DUT: variants seen among roughly 807,000 people sequenced by gnomAD.
The protein encoded by DUT is deoxyuridine triphosphatase.
A neutral mutation model predicts 28.8 loss-of-function variants in DUT; 21 were observed. The ratio of observed to expected loss-of-function variants is 0.73; its 90% confidence interval spans 0.52 to 1.05. The LOEUF is 1.05. Among genes scored for constraint, DUT ranks in the 50% least tolerant of loss-of-function variants. The probability of loss-of-function intolerance (pLI) is 0.00; values close to 1 mark genes in which losing one functional copy is unlikely to be tolerated. For synonymous variants in DUT, 147 were observed against 143.7 expected (o/e 1.02, Z -0.17); for missense variants, 344 against 351.8 (o/e 0.98, Z 0.18).
chr15:48,338,615 C>T lies in DUT; in HGVS notation c.556+2525C>T, dbSNP rs538360518. ...AGCCATTTTGTACTCATCATATTGG[C>T]CAGAATGTAAGAGATTGTTGCCATC... On this transcript the variant is annotated intron_variant, in intron 4 of 6. Transcript: ENST00000331200. Among the ~76,000 whole-genome samples, 8 of 152,222 alleles carry T rather than the reference C, an allele frequency of 5.3e-5. No homozygotes were observed. In the South Asian group the frequency reaches 1.7e-3, roughly 32 times the overall value.
At chr15:48,341,046 A>G (rs2306673) in intron 4 of DUT, 5,845 of 342,202 alleles carry the variant, frequency 0.017, 160 homozygotes, top group Admixed American at 0.073. Flanking sequence ...AAAATAGGAA[A>G]TGGTCGCCAT....
intron 2 of DUT, among the ~76,000 whole-genome samples, 154 bp from the exon 3 acceptor site, chr15:48,334,263 T>A (rs1224356849): frequency 6.6e-6 from 1 of 152,236 alleles, no homozygotes; most frequent in Non-Finnish European, 1.5e-5. Flanking sequence ...TAAGATGAAT[T>A]GGTAATTCAT....
Position 48,341,327 on chromosome 15 carries a change from G to A in DUT, c.595G>A (p.Val199Ile), listed in dbSNP as rs2042531286. Reference sequence around the variant, plus strand: ...TGAAGATTATAGAGGAAATGTTGGTGTTGTACTGTTTAATTTTGGCAAAGA... The same window carrying A: ...TGAAGATTATAGAGGAAATGTTGGTATTGTACTGTTTAATTTTGGCAAAGA... ...IDEDYRGNVG[V>I]VLFNFGKEKF... The change falls in exon 5 of 7, where the codon GTT becomes ATT. Residue 199 changes from valine to isoleucine, a missense_variant. Coordinates refer to ENST00000331200, the MANE Select transcript of DUT (RefSeq NM_001025248.2). 3 of 1,610,768 alleles carry A rather than the reference G, an allele frequency of 1.9e-6. No individual in the cohort carries two copies. Among genetic ancestry groups the A allele is most frequent in the Non-Finnish European group, 2.5e-6 (3 of 1,177,836 alleles).
chr15:48,331,248 G>A, upstream of DUT: 13 of 1,474,778 alleles, frequency 8.8e-6, no homozygotes, highest in South Asian at 1.1e-4. Context: ...AAAAATGGGG[G>A]CCAGAGCAAA....
chr15:48,333,085 TC>T (rs1304742694), intron 2 of DUT, among the ~76,000 whole-genome samples: 1 of 151,992 alleles, frequency 6.6e-6, no homozygotes, highest in Non-Finnish European at 1.5e-5. Context: ...TTTTTTTTTT[TC>T]ATCTGACTAC....
chr15:48,332,549 C>T (rs905919742), intron 2 of DUT, 143 bp downstream of exon 2: 50 of 788,964 alleles, frequency 6.3e-5, no homozygotes, highest in South Asian at 5.5e-4. Context: ...TTTTAGCTTT[C>T]ATCTTTGGCA....
rs918503603 is a variant in DUT at position 48,342,978 on chromosome 15, A to G, written c.*900A>G. 6.6e-6 allele frequency: 1 copy of G among 152,238 alleles called. No individual in the cohort carries two copies. The highest frequency in any genetic ancestry group is 2.4e-5 in the African/African-American group (1 of 41,470). The allele number at this position is 152,238 out of a possible 1,614,324, so 9.4% of individuals were successfully genotyped here. A position where few individuals can be genotyped will look rare whatever the true frequency, so the allele number is the denominator to read the frequency against. ...GATTCTGTGGCTTACCTTGATTAAC[A>G]TCTTTTGGAAGTTTTGCTAGTGTGC... On this transcript the variant is annotated 3_prime_UTR_variant, in exon 7 of 7. Transcript: ENST00000331200.
At chr15:48,334,820 G>A (rs1597480898) in intron 3 of DUT, among the ~76,000 whole-genome samples, 1 of 152,166 alleles carries the variant, frequency 6.6e-6, no homozygotes, top group East Asian at 1.9e-4. Context: ...GAATGTGTAA[G>A]CCTACTTAAC....
At position 48,333,342 on chromosome 15, in the gene DUT, G is replaced by T. The variant is rs532669703; in HGVS notation, c.419+936G>T. Reference sequence around the variant, plus strand: ...AAAACTACAGTCTCTTAATTTTGATGAATAAAAGTAGAGTGATATAGTTTG... The same window carrying T: ...AAAACTACAGTCTCTTAATTTTGATTAATAAAAGTAGAGTGATATAGTTTG... On this transcript the variant is annotated intron_variant, in intron 2 of 6. Coordinates refer to ENST00000331200, the MANE Select transcript of DUT (RefSeq NM_001025248.2). 3.3e-5 allele frequency among the ~76,000 whole-genome samples: 5 copies of T among 152,270 alleles called. No homozygotes were observed. In the East Asian group the frequency reaches 7.7e-4, roughly 23 times the overall value.
Position 48,341,250 on chromosome 15 carries a change from T to C in DUT, c.557-39T>C, listed in dbSNP as rs879239151. On this transcript the variant is annotated intron_variant, in intron 4 of 6. Coordinates refer to ENST00000331200, the MANE Select transcript of DUT (RefSeq NM_001025248.2). ...TAATCTTACACCTCTAGTATTCCAA[T>C]AGCAAAAATTGAGATAATATTACTT... is the stretch of plus-strand genomic sequence containing the variant. 5.4e-6 allele frequency: 7 copies of C among 1,307,522 alleles called. No homozygotes were observed. In the Admixed American group the frequency reaches 1.5e-4, roughly 28 times the overall value. 81.0% of individuals were successfully genotyped at this position (1,307,522 alleles called of 1,614,324 possible). A position where few individuals can be genotyped will look rare whatever the true frequency, so the allele number is the denominator to read the frequency against.
At position 48,343,353 on chromosome 15, in the gene DUT, A is replaced by T. The variant is rs565816303; in HGVS notation, c.*1275A>T. 1 of 152,186 alleles carries T rather than the reference A, an allele frequency of 6.6e-6. No individual in the cohort carries two copies. The highest frequency in any genetic ancestry group is 1.5e-5 in the Non-Finnish European group (1 of 68,010). 9.4% of individuals were successfully genotyped at this position (152,186 alleles called of 1,614,324 possible). A position where few individuals can be genotyped will look rare whatever the true frequency, so the allele number is the denominator to read the frequency against. ...ATATTTCTGTTGTCAATAAATTTTA[A>T]ATGTTTTCCTGCTAAACTAACCAGA... On this transcript the variant is annotated 3_prime_UTR_variant, in exon 7 of 7. Coordinates refer to ENST00000331200, the MANE Select transcript of DUT (RefSeq NM_001025248.2).
At chr15:48,332,790 C>T in intron 2 of DUT, 1 of 484,276 alleles carries the variant, frequency 2.1e-6, no homozygotes, top group Admixed American at 2.3e-5. Flanking sequence ...AACGAAGATG[C>T]ATCTGCCTTA....
intron 4 of DUT, among the ~76,000 whole-genome samples, chr15:48,337,934 T>G (rs1316500100): frequency 6.6e-6 from 1 of 152,170 alleles, no homozygotes; most frequent in African/African-American, 2.4e-5. Flanking sequence ...AGTTTTTCAC[T>G]AAAAAAGGTT....
upstream of DUT, chr15:48,331,356 A>G (rs988306076): frequency 2.7e-6 from 4 of 1,455,568 alleles, no homozygotes; most frequent in Non-Finnish European, 3.6e-6. Context: ...GGCCTGCGCC[A>G]TCCCTGGGCT....
chr15:48,334,614 C>A, intron 3 of DUT, 106 bp downstream of exon 3: 1 of 730,948 alleles, frequency 1.4e-6, no homozygotes, highest in Non-Finnish European at 2.3e-6. Context: ...TGGGCTGTGT[C>A]CTAAAAGAAG....
At position 48,342,345 on chromosome 15, in the gene DUT, C is replaced by G; in HGVS notation, c.*267C>G. 4.5e-6 allele frequency: 1 copy of G among 222,112 alleles called. No individual in the cohort carries two copies. Among genetic ancestry groups the G allele is most frequent in the Non-Finnish European group, 8.6e-6 (1 of 116,016 alleles). The allele number at this position is 222,112 out of a possible 1,614,324, so 13.8% of individuals were successfully genotyped here. On this transcript the variant is annotated 3_prime_UTR_variant, in exon 7 of 7. Coordinates refer to ENST00000331200, the MANE Select transcript of DUT (RefSeq NM_001025248.2). ...GTATGTAAATCTGCTTTGTGGTGAC[C>G]TGATGTAAACAGTGTCTTCTTAAAA...
In DUT at chr15:48,331,560, T is replaced by G; in HGVS notation, c.45T>G (p.Leu15=). The G allele has an allele frequency of 6.2e-7, 1 of 1,609,944 alleles. No homozygotes were observed. Residue 15 remains leucine (L), a synonymous_variant, in exon 1 of 7, where the codon CTT becomes CTG. Coordinates refer to ENST00000331200, the MANE Select transcript of DUT (RefSeq NM_001025248.2). ...GCCCCGCGCTCTGCTACCATTTCCT[T>G]ACGTCTCTGCTTCGCTCAGCGATGC... is the stretch of plus-strand genomic sequence containing the variant. ...CPRPALCYHF[L]TSLLRSAMQN...
rs574308928 is a variant in DUT at position 48,331,763 on chromosome 15, C to G, written c.248C>G (p.Pro83Arg). The change falls in exon 1 of 7, where the codon CCT becomes CGT. Residue 83 changes from proline to arginine, a missense_variant. By Grantham distance (103) the Pro-to-Arg change is moderately radical (BLOSUM62 -2). Transcript: ENST00000331200. The part of the protein sequence containing the change: ...VGAAGWKGEL[P>R]KAGGSPAPGP... ...GCCGCTGGCTGGAAGGGCGAGCTTC[C>G]TAAGGCGGGGGGAAGCCCGGCGCCG... 1.1e-4 allele frequency: 160 copies of G among 1,403,816 alleles called. 1 individual carries two copies. In the South Asian group the frequency reaches 2.3e-3, roughly 20 times the overall value. The allele number at this position is 1,403,816 out of a possible 1,614,324, so 87.0% of individuals were successfully genotyped here.
At position 48,336,062 on chromosome 15, in the gene DUT, G is replaced by A. The variant is rs752686917; in HGVS notation, c.528G>A (p.Leu176=). 1 of 1,603,840 alleles carries A rather than the reference G, an allele frequency of 6.2e-7. No individual in the cohort carries two copies. The highest frequency in any genetic ancestry group is 2.3e-5 in the East Asian group (1 of 44,300). Residue 176 remains leucine, a synonymous_variant, in exon 4 of 7, where the codon TTG becomes TTA. Coordinates refer to ENST00000331200, the MANE Select transcript of DUT (RefSeq NM_001025248.2). ...CYGRVAPRSG[L]AAKHFIDVGA... Reference sequence around the variant, plus strand: ...GTTTTTTAGCTCCACGGTCAGGCTTGGCTGCAAAACACTTTATTGATGTAG... The same window carrying A: ...GTTTTTTAGCTCCACGGTCAGGCTTAGCTGCAAAACACTTTATTGATGTAG...
Sources: allele counts gnomAD v4.1 joint callset (sites outside exome capture counted in the v4.1 genomes callset), GRCh38; gene constraint gnomAD v4.1.1; transcripts MANE v1.5; gene names NCBI Gene and HGNC (gene_info 2026-07-23, HGNC 2026-07-21).